The following POLE variants were observed in gnomAD, a reference collection of about 807,000 sequenced individuals.
POLE encodes DNA polymerase epsilon catalytic subunit A.
In POLE, 188 loss-of-function variants were observed where a neutral mutation model predicts 279.2. That is an observed-to-expected ratio of 0.67 (90% confidence interval 0.60 to 0.76). POLE has a LOEUF of 0.76. Ranked by LOEUF, POLE falls within the 30% of genes least tolerant of loss-of-function variation. The pLI is 0.00. For missense variants in POLE, 2,703 were observed against 3,016.7 expected (o/e 0.90, Z 2.44); for synonymous variants, 1,214 against 1,172.5 (o/e 1.04, Z -0.72).
At chr12:132,662,311 T>C (rs5744842) in intron 23 of POLE, among the ~76,000 whole-genome samples, 3 of 152,214 alleles carry the variant, frequency 2.0e-5, no homozygotes, top group African/African-American at 7.2e-5. Context: ...TGCTGTACAG[T>C]GGCTGGTGAA....
At position 132,676,719 on chromosome 12, in the gene POLE, C is replaced by A. The variant is rs1046885993; in HGVS notation, c.802-66G>T. 2.8e-5 allele frequency: 27 copies of A among 958,272 alleles called. 1 individual carries two copies. The highest frequency in any genetic ancestry group is 4.7e-4 in the Middle Eastern group (2 of 4,262). The allele number at this position is 958,272 out of a possible 1,614,324, so 59.4% of individuals were successfully genotyped here. A position where few individuals can be genotyped will look rare whatever the true frequency, so the allele number is the denominator to read the frequency against. ...CCCATTAGGCCTCCCTGAACACCCA[C>A]CCCCAGCCTGCTCTACCTCCCTCTG... On this transcript the variant is annotated intron_variant, in intron 8 of 48. Coordinates refer to ENST00000320574, the MANE Select transcript of POLE (RefSeq NM_006231.4).
Position 132,632,299 on chromosome 12 carries a change from A to G in POLE, c.6330+16T>C, listed in dbSNP as rs1441535518. ...ACGTTAGTGTCCTCTCCTCACACGC[A>G]CGCTGGCACTCTCACCTTGCACACG... On this transcript the variant is annotated intron_variant, in intron 45 of 48. Transcript: ENST00000320574. 2 of 1,605,724 alleles carry G rather than the reference A, an allele frequency of 1.2e-6. No homozygotes were observed. Among genetic ancestry groups the G allele is most frequent in the Non-Finnish European group, 1.7e-6 (2 of 1,172,968 alleles).
At chr12:132,660,730 C>T (rs557279921) in intron 25 of POLE, 1 of 346,346 alleles carries the variant, frequency 2.9e-6, no homozygotes, top group African/African-American at 2.1e-5. Flanking sequence ...GCACGCATCA[C>T]CATGCCAGGC....
chr12:132,628,117 G>A (rs2138440044), intron 45 of POLE, among the ~76,000 whole-genome samples: 1 of 152,276 alleles, frequency 6.6e-6, no homozygotes, highest in East Asian at 1.9e-4. Context: ...GCCGAGGTGG[G>A]CAGATCACAA....
At chr12:132,670,522 T>G (rs972837412) in intron 16 of POLE, among the ~76,000 whole-genome samples, 5 of 150,170 alleles carry the variant, frequency 3.3e-5, no homozygotes, top group African/African-American at 7.4e-5. Context: ...ATGCTGGGAT[T>G]CCAGGCTGCC....
chr12:132,677,510 C>T (rs2043081045), intron 7 of POLE, 67 bp from the exon 8 acceptor site: 1 of 1,610,312 alleles, frequency 6.2e-7, no homozygotes, highest in Non-Finnish European at 8.5e-7. Flanking sequence ...TGTGGATTCA[C>T]CCATAATGAT....
Position 132,624,116 on chromosome 12 carries a change from C to A in POLE, c.*581G>T, listed in dbSNP as rs1188674759. The A allele has an allele frequency of 4.7e-6, 1 of 213,046 alleles. No individual in the cohort carries two copies. Among genetic ancestry groups the A allele is most frequent in the East Asian group, 7.1e-5 (1 of 13,988 alleles). The allele number at this position is 213,046 out of a possible 1,614,324, so 13.2% of individuals were successfully genotyped here. ...TAGACCCGGCTCCAAATAAGCAGGG[C>A]TCACAAGCCAAAATCCAGATTCTCA... On this transcript the variant is annotated 3_prime_UTR_variant, in exon 49 of 49. Transcript: ENST00000320574.
At chr12:132,638,217 G>T (rs2042074075) in intron 40 of POLE, 78 bp from the exon 41 acceptor site, 2 of 1,417,610 alleles carry the variant, frequency 1.4e-6, no homozygotes, top group African/African-American at 1.4e-5. Context: ...AATCCAAGAG[G>T]GAAAAGAGCT....
rs2138677703 is a variant in POLE, at chr12:132,659,447, C to T, written c.3123G>A (p.Arg1041=). 5 of 1,614,228 alleles carry T rather than the reference C, an allele frequency of 3.1e-6. No individual in the cohort carries two copies. The highest frequency in any genetic ancestry group is 4.2e-6 in the Non-Finnish European group (5 of 1,180,034). The change falls in exon 26 of 49, where the codon CGG becomes CGA. Residue 1041 remains arginine, a synonymous_variant. Coordinates refer to ENST00000320574, the MANE Select transcript of POLE (RefSeq NM_006231.4). ...ELISENRSMS[R]KLEDYGEQKS... is the part of the protein sequence containing the mutation. ...TCTGCTCCCCGTAATCTTCCAGCTT[C>T]CGAGACATGGAACGGTTCTCAGAGA... is the stretch of plus-strand genomic sequence containing the variant.
rs140344645 is a variant in POLE at position 132,632,747 on chromosome 12, C to T, written c.6053G>A (p.Ser2018Asn). 3 of 1,613,110 alleles carry T rather than the reference C, an allele frequency of 1.9e-6. No individual in the cohort carries two copies. Among genetic ancestry groups the T allele is most frequent in the Non-Finnish European group, 1.7e-6 (2 of 1,179,990 alleles). The change falls in exon 44 of 49, where the codon AGT becomes AAT. Residue 2018 changes from serine to asparagine, a missense_variant. Physicochemically the swap from Ser to Asn is conservative, Grantham distance 46 (BLOSUM62 1). This residue lies in a region of POLE where 1,551 missense variants were observed against 1,686.1 expected (regional missense o/e 0.92). Coordinates refer to ENST00000320574, the MANE Select transcript of POLE (RefSeq NM_006231.4). ...CCTCACGGGGGTGCTCCCTGGAGCACTGCGCCTCAGCCCGTCCTTCATGCA... is the reference window on the plus strand; with the variant it reads ...CCTCACGGGGGTGCTCCCTGGAGCATTGCGCCTCAGCCCGTCCTTCATGCA... The part of the protein sequence containing the change: ...YHCMKDGLRR[S>N]APGSTPVRRR...
At position 132,672,320 on chromosome 12, in the gene POLE, A is replaced by G. The variant is rs1206536194; in HGVS notation, c.1689T>C (p.Asn563=). ...RSDIPCRFRM[N]PAAFDFLLQR... ...GCAGCAGGAAGTCAAAGGCGGCAGG[A>G]TTCTAGCACAACAGTGAGACGACGG... The change falls in exon 16 of 49, where the codon AAT becomes AAC. Residue 563 remains asparagine (N), a splice_region_variant and synonymous_variant. Coordinates refer to ENST00000320574, the MANE Select transcript of POLE (RefSeq NM_006231.4). The G allele has an allele frequency of 6.2e-7, 1 of 1,613,464 alleles. No individual in the cohort carries two copies.
chr12:132,643,608 T>A (rs2138554876), intron 33 of POLE, 48 bp from the exon 34 acceptor site: 1 of 1,610,454 alleles, frequency 6.2e-7, no homozygotes, highest in Non-Finnish European at 8.5e-7. Context: ...TGGTGGGGGC[T>A]CTGGCTGCCC....
Position 132,642,882 on chromosome 12 carries a change from G to C in POLE, c.4666C>G (p.Arg1556Gly), listed in dbSNP as rs768741587. ...ATGGTCTTCAGGTCAGTTTCTGCCC[G>C]AACTTCGAAGGTGTGTTTGGGGGGT... ...LPPPKHTFEV[R>G]AETDLKTICR... The change falls in exon 36 of 49, where the codon CGG becomes GGG. Residue 1556 changes from arginine to glycine, a missense_variant. By Grantham distance (125) the Arg-to-Gly change is moderately radical. This residue lies in a region of POLE where 1,551 missense variants were observed against 1,686.1 expected (regional missense o/e 0.92). Coordinates refer to ENST00000320574, the MANE Select transcript of POLE (RefSeq NM_006231.4). 4 of 1,613,722 alleles carry C rather than the reference G, an allele frequency of 2.5e-6. No homozygotes were observed. Among genetic ancestry groups the C allele is most frequent in the East Asian group, 2.2e-5 (1 of 44,888 alleles).
chr12:132,626,718 C>T (rs1384876221), intron 45 of POLE, among the ~76,000 whole-genome samples: 2 of 151,500 alleles, frequency 1.3e-5, no homozygotes, highest in Non-Finnish European at 2.9e-5. Context: ...AATGCAAGAT[C>T]GAAAAAAAGA....
chr12:132,639,161 C>A lies in POLE; in HGVS notation c.5516G>T (p.Arg1839Leu), dbSNP rs370512955. The change falls in exon 40 of 49, where the codon CGC becomes CTC. Residue 1839 changes from arginine to leucine, a missense_variant. Arg to Leu is a moderately radical substitution (Grantham distance 102, BLOSUM62 -2). Coordinates refer to ENST00000320574, the MANE Select transcript of POLE (RefSeq NM_006231.4). This position sits in a 1 kb window ranked among gnomAD's most constrained non-coding sequence, Gnocchi z 4.7. ...CTTCTTCATCATGTTGTGGAGTGTG[C>A]GGTGCAGGGCAGGGTCATGAAGCAG... ...SSLLHDPALH[R>L]TLHNMMKKLF... is the part of the protein sequence containing the mutation. 6.2e-7 allele frequency: 1 copy of A among 1,614,046 alleles called. No individual in the cohort carries two copies. The highest frequency in any genetic ancestry group is 8.5e-7 in the Non-Finnish European group (1 of 1,179,964).
At chr12:132,670,987 GCA>G (rs1207221998) in intron 16 of POLE, among the ~76,000 whole-genome samples, 1 of 152,106 alleles carries the variant, frequency 6.6e-6, no homozygotes, top group Non-Finnish European at 1.5e-5. Flanking sequence ...TTGAGGGCAG[GCA>G]CAGTGGCTCA....
At chr12:132,679,789 C>T in intron 5 of POLE, 138 bp from the exon 6 acceptor site, 1 of 1,033,076 alleles carries the variant, frequency 9.7e-7, no homozygotes, top group Admixed American at 2.4e-5. Context: ...GCACGTGGCA[C>T]CAACTAACAC....
chr12:132,682,281 G>A (rs557943466), intron 1 of POLE, among the ~76,000 whole-genome samples: 8 of 142,606 alleles, frequency 5.6e-5, no homozygotes, highest in African/African-American at 1.3e-4. Context: ...GCAGCAGAGC[G>A]AGACTCCGGC....
At chr12:132,681,064 T>C in intron 2 of POLE, 74 bp downstream of exon 2, 3 of 1,553,360 alleles carry the variant, frequency 1.9e-6, no homozygotes, top group South Asian at 2.3e-5. Flanking sequence ...TCCCCCACTC[T>C]TTAGATAAGG....
Sources: gnomAD v4.1 joint callset for allele counts (sites outside exome capture counted in the v4.1 genomes callset) on GRCh38, gnomAD v4.1.1 for gene constraint, gnomAD v4.1.1 regional missense constraint, Gnocchi (gnomAD v3.1) non-coding constraint, MANE v1.5 for transcripts, NCBI Gene and HGNC (gene_info 2026-07-23, HGNC 2026-07-21) for gene names.